CHRAC1: variants seen among roughly 807,000 people sequenced by gnomAD.
CHRAC1 encodes chromatin accessibility complex subunit 1, also known as chromatin accessibility complex protein 1.
CHRAC1 carries 6 observed loss-of-function variants against 9.1 expected under a neutral mutation model. The ratio of observed to expected loss-of-function variants is 0.66; its 90% CI spans 0.36 to 1.29. The LOEUF is 1.29. Ranked by LOEUF, CHRAC1 falls within the 50% of genes most tolerant of loss-of-function variation. CHRAC1 has a pLI of 0.03. For synonymous variants in CHRAC1, 73 were observed against 64.5 expected (o/e 1.13, Z -0.63); for missense variants, 168 against 163.5 (o/e 1.03, Z -0.15).
intron 1 of CHRAC1, among the ~76,000 whole-genome samples, chr8:140,513,219 G>C (rs1313678773): frequency 6.6e-6 from 1 of 152,212 alleles, no homozygotes; most frequent in Non-Finnish European, 1.5e-5. Flanking sequence ...CCTGCTATAA[G>C]AACTGGGATG....
At chr8:140,511,820 C>T (rs1436452579) in intron 1 of CHRAC1, 174 bp downstream of exon 1, 7 of 796,524 alleles carry the variant, frequency 8.8e-6, no homozygotes, top group Non-Finnish European at 1.4e-5. Context: ...GCCCGCGCGC[C>T]CCCACACTTT....
chr8:140,512,783 A>T (rs1415794968), intron 1 of CHRAC1, among the ~76,000 whole-genome samples: 1 of 152,232 alleles, frequency 6.6e-6, no homozygotes, highest in Admixed American at 6.5e-5. Context: ...ATACAATTTC[A>T]TTCTATTGGT....
rs1052092741 is a variant in CHRAC1 at position 140,514,068 on chromosome 8, G to C, written c.148-301G>C. ...TTACAGGCACCCGCCACCATGCCCA[G>C]CTAATTTTTGTATTTTTAATAGAGA... is the stretch of plus-strand genomic sequence containing the variant. On this transcript the variant is annotated intron_variant, in intron 1 of 2. Transcript: ENST00000220913. 3.4e-4 allele frequency among the ~76,000 whole-genome samples: 51 copies of C among 151,746 alleles called. 1 individual carries two copies. The highest frequency in any genetic ancestry group is 1.5e-3 in the Admixed American group (23 of 15,220).
chr8:140,511,565 C>A lies in CHRAC1; in HGVS notation c.66C>A (p.Ser22=). 1 of 1,466,934 alleles carries A rather than the reference C, an allele frequency of 6.8e-7. No homozygotes were observed. 90.9% of individuals were successfully genotyped at this position (1,466,934 alleles called of 1,614,324 possible). ...GEQRLISLPL[S]RIRVIMKSSP... ...AGCGGCTCATCTCGCTGCCTCTATC[C>A]CGCATCCGGGTCATCATGAAGAGCT... The change falls in exon 1 of 3, where the codon TCC becomes TCA. Residue 22 remains serine, a synonymous_variant. Coordinates refer to ENST00000220913, the MANE Select transcript of CHRAC1 (RefSeq NM_017444.6).
chr8:140,515,022 C>A, intron 2 of CHRAC1, 104 bp from the exon 3 acceptor site: 1 of 1,097,992 alleles, frequency 9.1e-7, no homozygotes, highest in Non-Finnish European at 1.3e-6. Context: ...TGTTTTGGAA[C>A]CTCTTATAGA....
In CHRAC1 at chr8:140,511,697, C is replaced by T. The variant is rs760819748; in HGVS notation, c.147+51C>T. 6 of 1,281,492 alleles carry T rather than the reference C, an allele frequency of 4.7e-6. No homozygotes were observed. In the South Asian group the frequency reaches 1.4e-4, roughly 29 times the overall value. 79.4% of individuals were successfully genotyped at this position (1,281,492 alleles called of 1,614,324 possible). On this transcript the variant is annotated intron_variant, in intron 1 of 2. Transcript: ENST00000220913. ...GCCGCCCTTACCCCTCGCGCCCCGC[C>T]CCGCCGGGCTCTGGGCACTGCCCAG...
At chr8:140,513,399 A>G (rs2072300349) in intron 1 of CHRAC1, among the ~76,000 whole-genome samples, 1 of 152,228 alleles carries the variant, frequency 6.6e-6, no homozygotes, top group Non-Finnish European at 1.5e-5. Context: ...TTCCTGAGCC[A>G]AATAGAATTT....
At position 140,516,450 on chromosome 8, in the gene CHRAC1, C is replaced by T. The variant is rs1054524738; in HGVS notation, c.*1203C>T. 3.3e-5 allele frequency: 5 copies of T among 152,166 alleles called. No individual in the cohort carries two copies. Among genetic ancestry groups the T allele is most frequent in the African/African-American group, 4.8e-5 (2 of 41,446 alleles). The allele number at this position is 152,166 out of a possible 1,614,324, so 9.4% of individuals were successfully genotyped here. A position where few individuals can be genotyped will look rare whatever the true frequency, so the allele number is the denominator to read the frequency against. ...ACAGGCGTGAGCCACCATGCCTGGC[C>T]TTCATTATCTCTTTTTTAAAAATGA... On this transcript the variant is annotated 3_prime_UTR_variant, in exon 3 of 3. Transcript: ENST00000220913.
In CHRAC1 at chr8:140,511,604, C is replaced by T. The variant is rs537354621; in HGVS notation, c.105C>T (p.Ser35=). ...RVIMKSSPEV[S]SINQEALVLT... is the part of the protein sequence containing the mutation. The stretch of plus-strand genomic sequence containing the variant: ...TCATGAAGAGCTCCCCCGAGGTGTC[C>T]AGCATCAACCAGGAGGCGTTGGTGC... The change falls in exon 1 of 3, where the codon TCC becomes TCT. Residue 35 remains serine, a synonymous_variant. Coordinates refer to ENST00000220913, the MANE Select transcript of CHRAC1 (RefSeq NM_017444.6). 3.4e-6 allele frequency: 5 copies of T among 1,473,414 alleles called. No individual in the cohort carries two copies. The East Asian group carries it at 8.2e-5, about 24-fold the overall frequency. The allele number at this position is 1,473,414 out of a possible 1,614,324, so 91.3% of individuals were successfully genotyped here.
rs752983981 is a variant in CHRAC1, at chr8:140,514,464, A to G, written c.243A>G (p.Ala81=). The stretch of plus-strand genomic sequence containing the variant: ...CTTACAGTGATTTAGCAAACACTGC[A>G]CAGCAATCAGAAACTTTTCAGTTTC... ...VLTYSDLANT[A]QQSETFQFLA... Residue 81 remains alanine, a synonymous_variant, in exon 2 of 3, where the codon GCA becomes GCG. Coordinates refer to ENST00000220913, the MANE Select transcript of CHRAC1 (RefSeq NM_017444.6). The G allele has an allele frequency of 6.4e-7, 1 of 1,565,448 alleles. No individual in the cohort carries two copies. The highest frequency in any genetic ancestry group is 1.2e-5 in the South Asian group (1 of 81,602).
rs749812205 is a variant in CHRAC1 at position 140,511,616 on chromosome 8, G to C, written c.117G>C (p.Gln39His). 2.1e-6 allele frequency: 3 copies of C among 1,460,862 alleles called. No homozygotes were observed. The highest frequency in any genetic ancestry group is 2.7e-5 in the East Asian group (1 of 36,556). 90.5% of individuals were successfully genotyped at this position (1,460,862 alleles called of 1,614,324 possible). ...KSSPEVSSIN[Q>H]EALVLTAKAT... ...CCCCCGAGGTGTCCAGCATCAACCAGGAGGCGTTGGTGCTCACGGCCAAGG... is the reference window on the plus strand; with the variant it reads ...CCCCCGAGGTGTCCAGCATCAACCACGAGGCGTTGGTGCTCACGGCCAAGG... Residue 39 changes from glutamine (Q) to histidine (H), a missense_variant, in exon 1 of 3, where the codon CAG becomes CAC. By Grantham distance (24) the Gln-to-His change is conservative (BLOSUM62 0). Transcript: ENST00000220913.
intron 1 of CHRAC1, chr8:140,512,063 C>G (rs1000079419): frequency 1.6e-6 from 2 of 1,266,824 alleles, no homozygotes; most frequent in East Asian, 5.9e-5. Flanking sequence ...TTTCGTCCCT[C>G]CCACCTGTGC....
At position 140,516,745 on chromosome 8, in the gene CHRAC1, A is replaced by G. The variant is rs1197329627; in HGVS notation, c.*1498A>G. The G allele has an allele frequency of 1.3e-5, 2 of 152,168 alleles. No homozygotes were observed. The highest frequency in any genetic ancestry group is 2.4e-5 in the African/African-American group (1 of 41,424). The allele number at this position is 152,168 out of a possible 1,614,324, so 9.4% of individuals were successfully genotyped here. A position where few individuals can be genotyped will look rare whatever the true frequency, so the allele number is the denominator to read the frequency against. On this transcript the variant is annotated 3_prime_UTR_variant, in exon 3 of 3. Coordinates refer to ENST00000220913, the MANE Select transcript of CHRAC1 (RefSeq NM_017444.6). The stretch of plus-strand genomic sequence containing the variant: ...GAGTTTTGGCAAATGCAGTCAAGTC[A>G]CTACCACCACCACAATTAACAGCTA...
intron 1 of CHRAC1, among the ~76,000 whole-genome samples, chr8:140,513,444 C>CT (rs368248267): frequency 0.078 from 11,768 of 150,476 alleles, 562 homozygotes; most frequent in Middle Eastern, 0.15. Flanking sequence ...ATTTTTTTTT[C>CT]TTTTTTTTTG....
At chr8:140,513,427 AC>A (rs1320372982) in intron 1 of CHRAC1, among the ~76,000 whole-genome samples, 4 of 151,966 alleles carry the variant, frequency 2.6e-5, no homozygotes, top group African/African-American at 9.7e-5. Context: ...GCTTTTTGCT[AC>A]TTTCTATTTT....
rs1234498736 is a variant in CHRAC1, at chr8:140,516,875, T to G, written c.*1628T>G. The G allele has an allele frequency of 6.6e-6, 1 of 152,202 alleles. No homozygotes were observed. Among genetic ancestry groups the G allele is most frequent in the African/African-American group, 2.4e-5 (1 of 41,444 alleles). The allele number at this position is 152,202 out of a possible 1,614,324, so 9.4% of individuals were successfully genotyped here. A position where few individuals can be genotyped will look rare whatever the true frequency, so the allele number is the denominator to read the frequency against. ...CTATACCAGGTGTCATCAAATTTTTTTCTGGAAAGGGCCATGCAGTAAATA... is the reference window on the plus strand; with the variant it reads ...CTATACCAGGTGTCATCAAATTTTTGTCTGGAAAGGGCCATGCAGTAAATA... On this transcript the variant is annotated 3_prime_UTR_variant, in exon 3 of 3. Transcript: ENST00000220913.
chr8:140,513,522 G>T (rs939160348), intron 1 of CHRAC1, among the ~76,000 whole-genome samples: 6 of 151,796 alleles, frequency 4.0e-5, no homozygotes, highest in Non-Finnish European at 8.8e-5. Flanking sequence ...TGCAAGCTCC[G>T]CCTCCCGGGC....
At chr8:140,512,253 A>G (rs1465803339) in intron 1 of CHRAC1, among the ~76,000 whole-genome samples, 2 of 151,790 alleles carry the variant, frequency 1.3e-5, no homozygotes, top group African/African-American at 2.4e-5. Context: ...TAACTCCTCC[A>G]GTGTCCCGTG....
chr8:140,511,803 C>T (rs1442361581), intron 1 of CHRAC1, 157 bp downstream of exon 1: 2 of 813,642 alleles, frequency 2.5e-6, no homozygotes, highest in African/African-American at 1.8e-5. Context: ...CCGGCGCGCG[C>T]TTCGGTGCCC....
Sources: gnomAD v4.1 joint callset for allele counts (sites outside exome capture counted in the v4.1 genomes callset) on GRCh38, gnomAD v4.1.1 for gene constraint, MANE v1.5 for transcripts, NCBI Gene and HGNC (gene_info 2026-07-23, HGNC 2026-07-21) for gene names.